WASHC2A: variants seen among roughly 807,000 people sequenced by gnomAD.
The protein encoded by WASHC2A is WASH complex subunit FAM21A.
In WASHC2A, 82 loss-of-function variants were observed where a neutral mutation model predicts 140.3. The ratio of observed to expected loss-of-function variants is 0.58; its 90% confidence interval spans 0.49 to 0.70. WASHC2A has a LOEUF of 0.70. Ranked by LOEUF, WASHC2A falls within the 30% of genes least tolerant of loss-of-function variation. The probability of loss-of-function intolerance (pLI) is 0.00; values close to 1 mark genes in which losing one functional copy is unlikely to be tolerated. For missense variants in WASHC2A, 985 were observed against 1,521.8 expected, an observed-to-expected ratio of 0.65 and a Z score of 5.87; for synonymous variants, 340 against 560.8, an observed-to-expected ratio of 0.61 and a Z score of 5.56.
intron 23 of WASHC2A, among the ~76,000 whole-genome samples, chr10:50,124,758 A>T (rs1251033614): frequency 1.9e-4 from 29 of 151,408 alleles, no homozygotes; most frequent in Admixed American, 7.3e-4. Context: ...TTTACCTTCA[A>T]AATGTTTCTC....
intron 27 of WASHC2A, 67 bp downstream of exon 27, chr10:50,127,289 C>T: frequency 6.2e-7 from 1 of 1,611,582 alleles, no homozygotes; most frequent in Non-Finnish European, 8.5e-7. Context: ...GGGTTTCCTA[C>T]TTTTGTCAGC....
At position 50,127,580 on chromosome 10, in the gene WASHC2A, T is replaced by C; in HGVS notation, c.2875-3T>C. 1 of 1,603,100 alleles carries C rather than the reference T, an allele frequency of 6.2e-7. No homozygotes were observed. Among genetic ancestry groups the C allele is most frequent in the Non-Finnish European group, 8.5e-7 (1 of 1,172,954 alleles). ...AATACAGAGTTTCATTTTTCTTCTT[T>C]AGGCAAATTTAGCGATCAACCCAGC... On this transcript the variant is annotated splice_region_variant and splice_polypyrimidine_tract_variant and intron_variant, in intron 27 of 30. Coordinates refer to ENST00000282633, the MANE Select transcript of WASHC2A (RefSeq NM_001005751.3).
intron 27 of WASHC2A, 135 bp downstream of exon 27, chr10:50,127,357 T>C (rs1843526380): frequency 2.3e-5 from 36 of 1,554,070 alleles, no homozygotes; most frequent in Non-Finnish European, 3.2e-5. Context: ...ACCTAGTTGT[T>C]GTCTCCTGTG....
At chr10:50,091,833 C>T (rs1292164606) in intron 10 of WASHC2A, among the ~76,000 whole-genome samples, 2,794 of 152,176 alleles carry the variant, frequency 0.018, 43 homozygotes, top group Middle Eastern at 0.051. Context: ...TGAATATTTA[C>T]TCCTATATTT....
At chr10:50,124,177 C>T (rs1554894158) in intron 23 of WASHC2A, among the ~76,000 whole-genome samples, 1 of 151,722 alleles carries the variant, frequency 6.6e-6, no homozygotes, top group African/African-American at 2.4e-5. Flanking sequence ...TGATCTCGGC[C>T]CACTGCAGCC....
intron 26 of WASHC2A, chr10:50,126,577 G>T: frequency 3.6e-6 from 1 of 274,308 alleles, no homozygotes; most frequent in Non-Finnish European, 7.0e-6. Flanking sequence ...CAAGGTCATT[G>T]CTGTTGGGCC....
At chr10:50,082,360 A>G (rs1209322447) in intron 5 of WASHC2A, among the ~76,000 whole-genome samples, 1 of 151,892 alleles carries the variant, frequency 6.6e-6, no homozygotes, top group Non-Finnish European at 1.5e-5. Flanking sequence ...CCCCTGCCCC[A>G]GAGTCCTTTG....
chr10:50,104,035 C>T lies in WASHC2A; in HGVS notation c.1636-7C>T, dbSNP rs782786512. Reference sequence around the variant, plus strand: ...GTTAACCAGCAACTTTAATTTCAATCCAACAGGATTTGTTTTCTTCTCAAA... The same window carrying T: ...GTTAACCAGCAACTTTAATTTCAATTCAACAGGATTTGTTTTCTTCTCAAA... On this transcript the variant is annotated splice_polypyrimidine_tract_variant and splice_region_variant and intron_variant, in intron 17 of 30. Transcript: ENST00000282633. 8 of 1,544,234 alleles carry T rather than the reference C, an allele frequency of 5.2e-6. No homozygotes were observed. In the East Asian group the frequency reaches 1.6e-4, roughly 30 times the overall value.
chr10:50,117,733 G>A (rs1554892345), intron 21 of WASHC2A, among the ~76,000 whole-genome samples, 173 bp from the exon 22 acceptor site: 1 of 131,078 alleles, frequency 7.6e-6, no homozygotes, highest in East Asian at 2.1e-4. Context: ...GTCCCGGGTG[G>A]TGGTGTTTGT....
chr10:50,095,680 G>C lies in WASHC2A; in HGVS notation c.1322G>C (p.Ser441Thr). The change falls in exon 15 of 31, where the codon AGC (serine) becomes ACC (threonine). Residue 441 changes from serine to threonine, a missense_variant. Physicochemically the swap from Ser to Thr is moderately conservative, Grantham distance 58. Transcript: ENST00000282633. ...CCTGAGCAGCCCACTCCAAGGAAAA[G>C]CCCCTATGGTCCCCCTCCCACTGGC... ...QKPEQPTPRKSPYGPPPTGLF... is the reference protein window; with the variant it reads ...QKPEQPTPRKTPYGPPPTGLF... The C allele has an allele frequency of 6.2e-7, 1 of 1,611,568 alleles. No homozygotes were observed. Among genetic ancestry groups the C allele is most frequent in the Non-Finnish European group, 8.5e-7 (1 of 1,179,758 alleles).
chr10:50,131,826 A>G (rs1472959465), intron 30 of WASHC2A, among the ~76,000 whole-genome samples: 1 of 152,246 alleles, frequency 6.6e-6, no homozygotes, highest in Non-Finnish European at 1.5e-5. Context: ...CATGGAGTGC[A>G]GAAGGGAACT....
rs1252915931 is a variant in WASHC2A, at chr10:50,095,633, A to G, written c.1275A>G (p.Pro425=). 9 of 1,611,732 alleles carry G rather than the reference A, an allele frequency of 5.6e-6. No individual in the cohort carries two copies. The South Asian group carries it at 7.7e-5, about 14-fold the overall frequency. ...DTDVFGAASV[P]SMKEPQKPEQ... ...ATGTGTTTGGTGCTGCCTCCGTTCC[A>G]TCAATGAAGGAGCCACAGAAGCCTG... is the stretch of plus-strand genomic sequence containing the variant. The change falls in exon 15 of 31, where the codon CCA becomes CCG. Residue 425 remains proline, a synonymous_variant. Transcript: ENST00000282633.
chr10:50,092,364 C>T (rs1840012348), intron 11 of WASHC2A, 131 bp downstream of exon 11: 1 of 1,515,296 alleles, frequency 6.6e-7, no homozygotes, highest in African/African-American at 1.4e-5. Flanking sequence ...ATTTACTTTT[C>T]TAAAGCCTCT....
intron 8 of WASHC2A, among the ~76,000 whole-genome samples, chr10:50,090,515 A>AAAAATATAT (rs1214596899): frequency 9.2e-6 from 1 of 108,762 alleles, no homozygotes; most frequent in African/African-American, 3.3e-5. Flanking sequence ...AAAAAAAAAA[A>AAAAATATAT]ATATATATAT....
At position 50,127,017 on chromosome 10, in the gene WASHC2A, C is replaced by A. The variant is rs1465468577; in HGVS notation, c.2812-143C>A. 15 of 1,026,078 alleles carry A rather than the reference C, an allele frequency of 1.5e-5. No individual in the cohort carries two copies. The Middle Eastern group carries it at 1.2e-3, about 83-fold the overall frequency. The allele number at this position is 1,026,078 out of a possible 1,614,324, so 63.6% of individuals were successfully genotyped here. ...AGTAGTGCTAGTGAAACATCAGGCCCCAGGAGAGATTTGAATGCCTTTCCC... is the reference window on the plus strand; with the variant it reads ...AGTAGTGCTAGTGAAACATCAGGCCACAGGAGAGATTTGAATGCCTTTCCC... On this transcript the variant is annotated intron_variant, in intron 26 of 30. Coordinates refer to ENST00000282633, the MANE Select transcript of WASHC2A (RefSeq NM_001005751.3).
At chr10:50,113,027 T>C (rs1842411376) in intron 20 of WASHC2A, among the ~76,000 whole-genome samples, 1 of 152,022 alleles carries the variant, frequency 6.6e-6, no homozygotes, top group African/African-American at 2.4e-5. Context: ...GTATGCACTT[T>C]AAAAGAGTGA....
chr10:50,105,015 A>G (rs2997938), intron 18 of WASHC2A, among the ~76,000 whole-genome samples: 5 of 151,828 alleles, frequency 3.3e-5, no homozygotes, highest in African/African-American at 4.8e-5. Flanking sequence ...AAAATTTTCA[A>G]CATATTACTG....
intron 11 of WASHC2A, 115 bp from the exon 12 acceptor site, chr10:50,093,153 A>G (rs1840098695): frequency 1.8e-6 from 1 of 567,690 alleles, no homozygotes; most frequent in Non-Finnish European, 3.3e-6. Flanking sequence ...ACTTTGTTAA[A>G]TAGTGTCAGA....
At chr10:50,129,383 A>G (rs1231449801) in intron 28 of WASHC2A, 36 bp from the exon 29 acceptor site, 540,888 of 1,611,842 alleles carry the variant, frequency 0.34, 95,170 homozygotes, top group Admixed American at 0.45. Flanking sequence ...ACTTTATTTT[A>G]TCGTCAGATC....
Sources: allele counts gnomAD v4.1 joint callset (sites outside exome capture counted in the v4.1 genomes callset), GRCh38; gene constraint gnomAD v4.1.1; transcripts MANE v1.5; gene names NCBI Gene and HGNC (gene_info 2026-07-23, HGNC 2026-07-21).